Variants in HSD17B7 observed in about 807,000 individuals in gnomAD.
HSD17B7 encodes the protein hydroxysteroid 17-beta dehydrogenase 7.
HSD17B7 carries 17 observed loss-of-function variants against 34.1 expected under a neutral mutation model. The ratio of observed to expected loss-of-function variants is 0.50; its 90% CI spans 0.34 to 0.75. HSD17B7 has a LOEUF of 0.75. Among genes scored for constraint, HSD17B7 ranks in the 30% least tolerant of loss-of-function variants. HSD17B7 has a pLI of 0.01. For missense variants in HSD17B7, 296 were observed against 406.6 expected (o/e 0.73, Z 2.34); for synonymous variants, 122 against 154.6 (o/e 0.79, Z 1.56).
chr1:162,799,569 A>G (rs1648736216), intron 4 of HSD17B7, 174 bp from the exon 5 acceptor site: 14 of 572,550 alleles, frequency 2.4e-5, no homozygotes, highest in Non-Finnish European at 4.4e-5. Flanking sequence ...TAACTCATGT[A>G]TGTATACATA....
rs1408106392 is a variant in HSD17B7, at chr1:162,812,744, CT to C, written c.*326del. The C allele has an allele frequency of 6.0e-6, 1 of 167,470 alleles. No individual in the cohort carries two copies. The highest frequency in any genetic ancestry group is 1.3e-5 in the Non-Finnish European group (1 of 77,430). The allele number at this position is 167,470 out of a possible 1,614,324, so 10.4% of individuals were successfully genotyped here. A position where few individuals can be genotyped will look rare whatever the true frequency, so the allele number is the denominator to read the frequency against. ...AATGACACTCTGGAACATTGCATAC[CT>C]TCTGTACATTCTGGGGTACATGGAT... On this transcript the variant is annotated 3_prime_UTR_variant, in exon 9 of 9. Transcript: ENST00000254521.
intron 6 of HSD17B7, 140 bp downstream of exon 6, chr1:162,803,675 G>C: frequency 9.7e-7 from 1 of 1,035,802 alleles, no homozygotes; most frequent in South Asian, 1.6e-5. Context: ...CTTACTTAAT[G>C]TGAAACCTCT....
At chr1:162,805,785 T>C (rs1181836309) in intron 8 of HSD17B7, among the ~76,000 whole-genome samples, 1 of 152,206 alleles carries the variant, frequency 6.6e-6, no homozygotes, top group Non-Finnish European at 1.5e-5. Context: ...GCCTCTGTAA[T>C]AGGCTTTCTT....
chr1:162,807,693 G>A (rs1023705640), intron 8 of HSD17B7, among the ~76,000 whole-genome samples: 26 of 152,146 alleles, frequency 1.7e-4, no homozygotes, highest in African/African-American at 6.3e-4. Context: ...GTATCTCATT[G>A]TGGTTTTGAT....
At chr1:162,807,386 G>A (rs1305552172) in intron 8 of HSD17B7, among the ~76,000 whole-genome samples, 1 of 152,138 alleles carries the variant, frequency 6.6e-6, no homozygotes, top group African/African-American at 2.4e-5. Context: ...TTGGACATTT[G>A]GGTTGATTCC....
intron 8 of HSD17B7, among the ~76,000 whole-genome samples, chr1:162,806,120 A>G (rs966339626): frequency 4.0e-4 from 61 of 152,302 alleles, no homozygotes; most frequent in African/African-American, 1.4e-3. Context: ...GAAATCAAAC[A>G]TAGAGTTACA....
intron 8 of HSD17B7, among the ~76,000 whole-genome samples, chr1:162,806,323 C>G (rs1390448884): frequency 6.6e-6 from 1 of 152,156 alleles, no homozygotes; most frequent in Non-Finnish European, 1.5e-5. Context: ...ATCTTGGCCT[C>G]TGTTAGTAGC....
At chr1:162,811,184 A>G (rs1252373911) in intron 8 of HSD17B7, among the ~76,000 whole-genome samples, 1 of 152,024 alleles carries the variant, frequency 6.6e-6, no homozygotes, top group East Asian at 1.9e-4. Flanking sequence ...TCTGTAAAGG[A>G]TTTTATTTCT....
intron 7 of HSD17B7, 85 bp downstream of exon 7, chr1:162,804,408 A>G (rs1648914731): frequency 1.1e-6 from 1 of 877,710 alleles, no homozygotes; most frequent in African/African-American, 1.7e-5. Context: ...TAATTTCAAC[A>G]GAAAAGATAA....
rs750626389 is a variant in HSD17B7, at chr1:162,805,506, C to T, written c.903+14C>T. On this transcript the variant is annotated intron_variant, in intron 8 of 8. Coordinates refer to ENST00000254521, the MANE Select transcript of HSD17B7 (RefSeq NM_016371.4). The stretch of plus-strand genomic sequence containing the variant: ...ATGACCCAGAAGGTAAATGTGCTTA[C>T]ATTGTTGCACTGATGTTTGCTGTTG... 3.9e-5 allele frequency: 63 copies of T among 1,610,562 alleles called. No individual in the cohort carries two copies. The highest frequency in any genetic ancestry group is 3.3e-4 in the Middle Eastern group (2 of 6,056).
Position 162,796,577 on chromosome 1 carries a change from A to G in HSD17B7, c.240-8A>G. Reference sequence around the variant, plus strand: ...AACTCACAATCTTGTTTGGTGGTTTACTTGCAGGTTTCAGAGATTAGACTG... The same window carrying G: ...AACTCACAATCTTGTTTGGTGGTTTGCTTGCAGGTTTCAGAGATTAGACTG... On this transcript the variant is annotated splice_polypyrimidine_tract_variant and splice_region_variant and intron_variant, in intron 2 of 8. Coordinates refer to ENST00000254521, the MANE Select transcript of HSD17B7 (RefSeq NM_016371.4). 1 of 1,564,638 alleles carries G rather than the reference A, an allele frequency of 6.4e-7. No individual in the cohort carries two copies. Among genetic ancestry groups the G allele is most frequent in the Non-Finnish European group, 8.8e-7 (1 of 1,135,380 alleles).
intron 8 of HSD17B7, among the ~76,000 whole-genome samples, chr1:162,808,403 A>T (rs553612402): frequency 0.012 from 1,860 of 152,278 alleles, 29 homozygotes; most frequent in African/African-American, 0.043. Flanking sequence ...AGGTAGCGTG[A>T]TGCCTCCAGC....
chr1:162,795,864 CTT>C (rs1443498129), intron 2 of HSD17B7, among the ~76,000 whole-genome samples: 2 of 86,510 alleles, frequency 2.3e-5, no homozygotes, highest in Non-Finnish European at 6.6e-5. Flanking sequence ...GATGAAGAGT[CTT>C]AGATGAAGAC....
intron 2 of HSD17B7, among the ~76,000 whole-genome samples, chr1:162,796,244 G>T (rs1280962564): frequency 8.5e-5 from 13 of 152,056 alleles, no homozygotes; most frequent in Non-Finnish European, 1.9e-4. Context: ...ATAGAGGGTT[G>T]CTGCAATTCC....
intron 8 of HSD17B7, among the ~76,000 whole-genome samples, chr1:162,808,453 C>T (rs1207701859): frequency 1.3e-5 from 2 of 151,966 alleles, no homozygotes; most frequent in African/African-American, 4.8e-5. Flanking sequence ...CAATGCGGGC[C>T]CTTTTTTGGT....
chr1:162,793,674 G>T (rs529192855), intron 2 of HSD17B7, among the ~76,000 whole-genome samples: 1 of 152,220 alleles, frequency 6.6e-6, no homozygotes, highest in Non-Finnish European at 1.5e-5. Context: ...ACTGCCTTAC[G>T]TTAAGGTAAC....
Position 162,799,730 on chromosome 1 carries a change from T to G in HSD17B7, c.448-13T>G. The G allele has an allele frequency of 6.2e-7, 1 of 1,608,252 alleles. No individual in the cohort carries two copies. The highest frequency in any genetic ancestry group is 8.5e-7 in the Non-Finnish European group (1 of 1,177,018). On this transcript the variant is annotated splice_polypyrimidine_tract_variant and intron_variant, in intron 4 of 8. Coordinates refer to ENST00000254521, the MANE Select transcript of HSD17B7 (RefSeq NM_016371.4). ...CAGTATATTTTAATACTTTTTTTTT[T>G]TCTTTCACCCAGATTCGGGAACTGG...
At position 162,800,195 on chromosome 1, in the gene HSD17B7, G is replaced by T. The variant is rs186563644; in HGVS notation, c.642+258G>T. ...AAAAGTGATAATAGCTACTGTGTTG[G>T]TACTTGCTGTGTTTCAGGTGCTGTA... On this transcript the variant is annotated intron_variant, in intron 5 of 8. Coordinates refer to ENST00000254521, the MANE Select transcript of HSD17B7 (RefSeq NM_016371.4). 6.6e-4 allele frequency: 405 copies of T among 617,600 alleles called. 3 individuals carry two copies. Among genetic ancestry groups the T allele is most frequent in the African/African-American group, 5.9e-3 (327 of 55,348 alleles). 38.3% of individuals were successfully genotyped at this position (617,600 alleles called of 1,614,324 possible). A position where few individuals can be genotyped will look rare whatever the true frequency, so the allele number is the denominator to read the frequency against.
chr1:162,798,994 CAAA>C (rs58731372), intron 4 of HSD17B7: 497 of 138,470 alleles, frequency 3.6e-3, no homozygotes, highest in South Asian at 0.021. Context: ...AACTCCGTCT[CAAA>C]AAAAAAAAAA....
Sources: allele counts gnomAD v4.1 joint callset (sites outside exome capture counted in the v4.1 genomes callset), GRCh38; gene constraint gnomAD v4.1.1; transcripts MANE v1.5; gene names NCBI Gene and HGNC (gene_info 2026-07-23, HGNC 2026-07-21).